The following WWP1 variants were observed in gnomAD, a reference collection of about 807,000 sequenced individuals.
WWP1 encodes NEDD4-like E3 ubiquitin-protein ligase WWP1.
A neutral mutation model predicts 130.6 loss-of-function variants in WWP1; 49 were observed. The observed-to-expected ratio is 0.38, with a 90% CI of 0.30 to 0.48. The LOEUF (loss-of-function observed/expected upper bound fraction) is 0.48. Among genes scored for constraint, WWP1 ranks in the 20% least tolerant of loss-of-function variants. WWP1 has a pLI of 0.99. For synonymous variants in WWP1, 332 were observed against 367.8 expected (o/e 0.90, Z 1.11); for missense variants, 809 against 1,100.6 (o/e 0.74, Z 3.75).
intron 18 of WWP1, among the ~76,000 whole-genome samples, chr8:86,444,686 C>T (rs1810766135): frequency 6.6e-6 from 1 of 151,998 alleles, no homozygotes. Flanking sequence ...ATTGTATCTG[C>T]AAAGGTGAAA....
chr8:86,422,818 C>T (rs1041328440), intron 9 of WWP1, among the ~76,000 whole-genome samples: 2 of 152,152 alleles, frequency 1.3e-5, no homozygotes, highest in African/African-American at 2.4e-5. Flanking sequence ...AAGATAAAAA[C>T]GTCATTTCCA....
intron 7 of WWP1, among the ~76,000 whole-genome samples, chr8:86,401,155 T>C (rs759139645): frequency 6.6e-6 from 1 of 152,160 alleles, no homozygotes; most frequent in African/African-American, 2.4e-5. Context: ...GGGTATAATA[T>C]TTAGCTTTTT....
At chr8:86,371,843 C>T (rs1252755650) in intron 2 of WWP1, among the ~76,000 whole-genome samples, 1 of 151,716 alleles carries the variant, frequency 6.6e-6, no homozygotes, top group African/African-American at 2.4e-5. Context: ...AAATATTCAC[C>T]CTTTTTTTCT....
At chr8:86,389,475 A>G (rs1192283619) in intron 5 of WWP1, among the ~76,000 whole-genome samples, 1 of 152,246 alleles carries the variant, frequency 6.6e-6, no homozygotes, top group Admixed American at 6.5e-5. Flanking sequence ...GGTTGGGGGT[A>G]AGGTTATAGA....
chr8:86,464,015 C>A (rs1290442466), intron 24 of WWP1, among the ~76,000 whole-genome samples: 1 of 151,940 alleles, frequency 6.6e-6, no homozygotes, highest in Non-Finnish European at 1.5e-5. Context: ...GATCCATGAT[C>A]ACACCACTGC....
At position 86,342,780 on chromosome 8, in the gene WWP1, G is replaced by C. The variant is rs1822271894; in HGVS notation, c.-265G>C. 1.4e-5 allele frequency: 5 copies of C among 368,264 alleles called. No individual in the cohort carries two copies. Among genetic ancestry groups the C allele is most frequent in the Non-Finnish European group, 9.7e-6 (2 of 206,450 alleles). The allele number at this position is 368,264 out of a possible 1,614,324, so 22.8% of individuals were successfully genotyped here. ...GGTTCCGAGTGGCTGCTGGCGGCCT[G>C]GGCTGCCGGGGCCGACGCCTGGGTG... On this transcript the variant is annotated 5_prime_UTR_variant, in exon 1 of 25. Transcript: ENST00000517970.
chr8:86,416,707 G>A (rs1451813714), intron 9 of WWP1, among the ~76,000 whole-genome samples: 1 of 151,902 alleles, frequency 6.6e-6, no homozygotes, highest in Non-Finnish European at 1.5e-5. Flanking sequence ...GGTGAAGTGT[G>A]GCAGTTATAA....
chr8:86,358,757 C>T (rs764521557), intron 1 of WWP1, among the ~76,000 whole-genome samples: 4 of 152,078 alleles, frequency 2.6e-5, no homozygotes, highest in Non-Finnish European at 4.4e-5. Flanking sequence ...AATCCACCCA[C>T]CTTGGCCTCC....
intron 8 of WWP1, among the ~76,000 whole-genome samples, chr8:86,408,868 C>G (rs1473297648): frequency 3.4e-4 from 52 of 151,992 alleles, no homozygotes; most frequent in Non-Finnish European, 1.5e-5. Flanking sequence ...TGAGATCGCG[C>G]TACTGCACTC....
intron 2 of WWP1, 50 bp downstream of exon 2, chr8:86,369,081 A>G (rs1824138580): frequency 1.3e-5 from 2 of 152,158 alleles, no homozygotes; most frequent in South Asian, 2.1e-4. Flanking sequence ...TAATAGTCAG[A>G]CTTCATACAT....
At chr8:86,390,431 G>C (rs972773108) in intron 5 of WWP1, among the ~76,000 whole-genome samples, 1 of 152,194 alleles carries the variant, frequency 6.6e-6, no homozygotes, top group African/African-American at 2.4e-5. Flanking sequence ...GCGAGACTCC[G>C]TCTGCAATCC....
intron 5 of WWP1, among the ~76,000 whole-genome samples, chr8:86,395,992 C>T (rs568035431): frequency 3.7e-4 from 56 of 152,238 alleles, no homozygotes; most frequent in African/African-American, 1.2e-3. Context: ...CACCAAATTC[C>T]AGACACTTGA....
In WWP1 at chr8:86,380,719, C is replaced by T. The variant is rs1478490608; in HGVS notation, c.71-7C>T. The stretch of plus-strand genomic sequence containing the variant: ...ACATACTCACTAGTGAATTATTTGT[C>T]TGTTAGTTTCTAGTGCCAAACTTAA... On this transcript the variant is annotated splice_polypyrimidine_tract_variant and splice_region_variant and intron_variant, in intron 3 of 24. Transcript: ENST00000517970. 4 of 1,603,876 alleles carry T rather than the reference C, an allele frequency of 2.5e-6. No individual in the cohort carries two copies. The highest frequency in any genetic ancestry group is 3.4e-6 in the Non-Finnish European group (4 of 1,176,260).
intron 2 of WWP1, among the ~76,000 whole-genome samples, chr8:86,371,580 G>C (rs1437277555): frequency 1.3e-5 from 2 of 152,082 alleles, no homozygotes; most frequent in South Asian, 2.1e-4. Flanking sequence ...TTCTCTGATG[G>C]GCAGTGAGAT....
At chr8:86,396,752 C>T (rs1336872900) in intron 5 of WWP1, among the ~76,000 whole-genome samples, 2 of 152,034 alleles carry the variant, frequency 1.3e-5, no homozygotes, top group Non-Finnish European at 1.5e-5. Flanking sequence ...TGCCACTGCA[C>T]CTGGCTAATT....
intron 22 of WWP1, among the ~76,000 whole-genome samples, chr8:86,458,916 T>G (rs1272318950): frequency 6.6e-6 from 1 of 152,134 alleles, no homozygotes; most frequent in East Asian, 1.9e-4. Context: ...AACAGAGACT[T>G]GAAACAACCT....
At chr8:86,458,860 A>T (rs1490909113) in intron 22 of WWP1, among the ~76,000 whole-genome samples, 1 of 152,180 alleles carries the variant, frequency 6.6e-6, no homozygotes, top group Non-Finnish European at 1.5e-5. Flanking sequence ...CAACGTGTGT[A>T]AAGTGGCACA....
chr8:86,442,472 G>T (rs1190648351), intron 17 of WWP1, 147 bp from the exon 18 acceptor site: 18 of 674,124 alleles, frequency 2.7e-5, no homozygotes, highest in Non-Finnish European at 3.5e-5. Context: ...GATCATAGAA[G>T]AACTTGGATA....
intron 1 of WWP1, among the ~76,000 whole-genome samples, chr8:86,349,349 G>T (rs1487069247): frequency 2.0e-5 from 3 of 152,228 alleles, no homozygotes; most frequent in Non-Finnish European, 4.4e-5. Flanking sequence ...GTTTAGACTT[G>T]TAAGGGATAC....
Sources: gnomAD v4.1 joint callset for allele counts (sites outside exome capture counted in the v4.1 genomes callset) on GRCh38, gnomAD v4.1.1 for gene constraint, MANE v1.5 for transcripts, NCBI Gene and HGNC (gene_info 2026-07-23, HGNC 2026-07-21) for gene names.